Variants in DNAAF9 observed in about 807,000 individuals in gnomAD.
DNAAF9 encodes the protein dynein axonemal assembly factor 9, also known as shulin.
DNAAF9 carries 90 observed loss-of-function variants against 167.0 expected under a neutral mutation model. The ratio of observed to expected loss-of-function variants is 0.54; its 90% CI spans 0.45 to 0.64. DNAAF9 has a LOEUF of 0.64. DNAAF9 is among the 30% of genes least tolerant of loss of function. The pLI is 0.00. For missense variants in DNAAF9, 1,315 were observed against 1,442.2 expected (o/e 0.91, Z 1.43); for synonymous variants, 491 against 508.8 (o/e 0.96, Z 0.47).
intron 7 of DNAAF9, among the ~76,000 whole-genome samples, chr20:3,350,600 A>G (rs2123145406): frequency 6.6e-6 from 1 of 152,260 alleles, no homozygotes. Context: ...GTGCTGAAAT[A>G]CCACTTCTCA....
rs1178750984 is a variant in DNAAF9 at position 3,336,252 on chromosome 20, G to GTTTTTTTTTT, written c.982-3892_982-3891insAAAAAAAAAA. ...TGATTTTGCAGATTCACAGTTTTGC[G>GTTTTTTTTTT]TTTTTGTTTTTTTTTTTTTTTTTGC... On this transcript the variant is annotated intron_variant, in intron 10 of 36. Transcript: ENST00000252032. Among the ~76,000 whole-genome samples, 568 of 81,148 alleles carry GTTTTTTTTTT rather than the reference G, an allele frequency of 7.0e-3. 27 individuals are homozygous for GTTTTTTTTTT. The highest frequency in any genetic ancestry group is 0.021 in the South Asian group (45 of 2,172). 53.2% of individuals were successfully genotyped at this position (81,148 alleles called of 152,430 possible).
chr20:3,392,900 G>A (rs1827160847), intron 1 of DNAAF9, among the ~76,000 whole-genome samples: 1 of 152,206 alleles, frequency 6.6e-6, no homozygotes, highest in East Asian at 1.9e-4. Context: ...ATACCAATCT[G>A]ATTCATCTCA....
intron 21 of DNAAF9, among the ~76,000 whole-genome samples, chr20:3,298,994 C>T (rs568817100): frequency 1.9e-4 from 29 of 151,460 alleles, no homozygotes; most frequent in Non-Finnish European, 3.7e-4. Context: ...CTGCAACCCC[C>T]GCCTCCTGGG....
chr20:3,365,718 C>T (rs1207184611), intron 6 of DNAAF9, among the ~76,000 whole-genome samples: 1 of 152,070 alleles, frequency 6.6e-6, no homozygotes, highest in Non-Finnish European at 1.5e-5. Flanking sequence ...CACAGTAGAA[C>T]TTTTTTCAAA....
At chr20:3,336,648 C>T (rs2069957475) in intron 10 of DNAAF9, among the ~76,000 whole-genome samples, 1 of 152,102 alleles carries the variant, frequency 6.6e-6, no homozygotes, top group African/African-American at 2.4e-5. Context: ...CACCCAGGTT[C>T]AAGTGATTCT....
intron 6 of DNAAF9, among the ~76,000 whole-genome samples, chr20:3,362,961 G>A (rs973111343): frequency 7.9e-5 from 12 of 152,158 alleles, no homozygotes; most frequent in Non-Finnish European, 2.9e-5. Flanking sequence ...AGGCACAGTG[G>A]CTCACGCTTG....
chr20:3,370,237 GTTTA>G lies in DNAAF9; in HGVS notation c.612+3807_612+3810del, dbSNP rs539210738. Among the ~76,000 whole-genome samples, 14 of 152,218 alleles carry G rather than the reference GTTTA, an allele frequency of 9.2e-5. No homozygotes were observed. The South Asian group carries it at 1.0e-3, about 11-fold the overall frequency. On this transcript the variant is annotated intron_variant, in intron 6 of 36. Coordinates refer to ENST00000252032, the MANE Select transcript of DNAAF9 (RefSeq NM_001009984.3). ...TCTCTTGGTTTTGTCTTGCCTTTCA[GTTTA>G]TTTATTTCATTTTTATTTATTTATT...
intron 1 of DNAAF9, among the ~76,000 whole-genome samples, chr20:3,406,218 T>A (rs901153821): frequency 6.6e-6 from 1 of 152,182 alleles, no homozygotes; most frequent in Non-Finnish European, 1.5e-5. Context: ...TGTTCTCCAA[T>A]AATTTGGTCT....
chr20:3,364,240 T>C (rs1282886192), intron 6 of DNAAF9, among the ~76,000 whole-genome samples: 1 of 152,238 alleles, frequency 6.6e-6, no homozygotes, highest in Non-Finnish European at 1.5e-5. Flanking sequence ...TGAAGACTGA[T>C]TACCTCATTA....
intron 1 of DNAAF9, among the ~76,000 whole-genome samples, chr20:3,401,133 T>C (rs2083977233): frequency 6.6e-6 from 1 of 152,212 alleles, no homozygotes; most frequent in Non-Finnish European, 1.5e-5. Flanking sequence ...AAGAAACACC[T>C]GAAGAGATAA....
At chr20:3,256,733 C>T (rs34192101) in intron 33 of DNAAF9, among the ~76,000 whole-genome samples, 431 of 152,264 alleles carry the variant, frequency 2.8e-3, no homozygotes, top group Non-Finnish European at 4.8e-3. Flanking sequence ...CGTGAGACAT[C>T]CACATAGTCC....
chr20:3,381,642 C>T, intron 2 of DNAAF9, 144 bp from the exon 3 acceptor site: 2 of 657,998 alleles, frequency 3.0e-6, no homozygotes, highest in East Asian at 2.9e-5. Context: ...CCAAGCTAAC[C>T]AATTCTGTGA....
At chr20:3,359,318 G>A (rs1000623907) in intron 7 of DNAAF9, among the ~76,000 whole-genome samples, 198 bp downstream of exon 7, 1 of 152,236 alleles carries the variant, frequency 6.6e-6, no homozygotes, top group Admixed American at 6.5e-5. Context: ...CCTCAGAGTG[G>A]AAGAGGGAGC....
chr20:3,270,510 A>C lies in DNAAF9; in HGVS notation c.2703T>G (p.Pro901=). 6.2e-7 allele frequency: 1 copy of C among 1,612,552 alleles called. No individual in the cohort carries two copies. The highest frequency in any genetic ancestry group is 8.5e-7 in the Non-Finnish European group (1 of 1,178,878). Residue 901 remains proline (P), a synonymous_variant, in exon 30 of 37, where the codon CCT becomes CCG. Coordinates refer to ENST00000252032, the MANE Select transcript of DNAAF9 (RefSeq NM_001009984.3). ...FTSHTTEQRH[P]LLVQLQSLIR... The stretch of plus-strand genomic sequence containing the variant: ...TGAGGCTCTGCAGCTGAACAAGGAG[A>C]GGGTGCCGCTGCTCCGTGGTGTGAC...
intron 16 of DNAAF9, among the ~76,000 whole-genome samples, chr20:3,321,340 T>A (rs1460090353): frequency 6.6e-6 from 1 of 152,208 alleles, no homozygotes; most frequent in Non-Finnish European, 1.5e-5. Flanking sequence ...TGGTATAGTC[T>A]ATTGCTCCTA....
intron 33 of DNAAF9, among the ~76,000 whole-genome samples, chr20:3,257,903 A>G (rs905554767): frequency 7.9e-5 from 12 of 152,166 alleles, no homozygotes; most frequent in Admixed American, 1.3e-4. Context: ...CTAATTTTGT[A>G]TTTTTAGTAG....
At position 3,256,066 on chromosome 20, in the gene DNAAF9, G is replaced by A. The variant is rs2068274811; in HGVS notation, c.3201C>T (p.Phe1067=). Residue 1067 remains phenylalanine (F), a synonymous_variant, in exon 34 of 37, where the codon TTC becomes TTT. Transcript: ENST00000252032. The stretch of plus-strand genomic sequence containing the variant: ...TGTCTTCCTTCAGGGAGCAGCCGAT[G>A]AACACAAGGTAGCACTCCTGCTGCC... ...SSGQQECYLV[F]IGCSLKEDSI... is the part of the protein sequence containing the mutation. The A allele has an allele frequency of 6.2e-7, 1 of 1,614,144 alleles. No homozygotes were observed.
In DNAAF9 at chr20:3,336,252, G is replaced by GTTTTTTTTTTTTTTTTTTTTTTTTTT. The variant is rs1178750984; in HGVS notation, c.982-3892_982-3891insAAAAAAAAAAAAAAAAAAAAAAAAAA. Among the ~76,000 whole-genome samples, 5 of 81,442 alleles carry GTTTTTTTTTTTTTTTTTTTTTTTTTT rather than the reference G, an allele frequency of 6.1e-5. 1 individual carries two copies. Among genetic ancestry groups the GTTTTTTTTTTTTTTTTTTTTTTTTTT allele is most frequent in the Admixed American group, 1.2e-4 (1 of 8,224 alleles). The allele number at this position is 81,442 out of a possible 152,430, so 53.4% of individuals were successfully genotyped here. A position where few individuals can be genotyped will look rare whatever the true frequency, so the allele number is the denominator to read the frequency against. On this transcript the variant is annotated intron_variant, in intron 10 of 36. Transcript: ENST00000252032. The stretch of plus-strand genomic sequence containing the variant: ...TGATTTTGCAGATTCACAGTTTTGC[G>GTTTTTTTTTTTTTTTTTTTTTTTTTT]TTTTTGTTTTTTTTTTTTTTTTTGC...
intron 26 of DNAAF9, among the ~76,000 whole-genome samples, chr20:3,289,274 T>A (rs930281865): frequency 6.6e-6 from 1 of 152,114 alleles, no homozygotes; most frequent in Admixed American, 6.6e-5. Flanking sequence ...ATTCTAAAAC[T>A]TAAAGTATAA....
Sources: allele counts gnomAD v4.1 joint callset (sites outside exome capture counted in the v4.1 genomes callset), GRCh38; gene constraint gnomAD v4.1.1; transcripts MANE v1.5; gene names NCBI Gene and HGNC (gene_info 2026-07-23, HGNC 2026-07-21).